ARHGAP6: variants seen among roughly 807,000 people sequenced by gnomAD.
The protein encoded by ARHGAP6 is rho GTPase-activating protein 6.
A neutral mutation model predicts 55.7 loss-of-function variants in ARHGAP6; 16 were observed. That is an observed-to-expected ratio of 0.29 (90% CI 0.19 to 0.44). The LOEUF (loss-of-function observed/expected upper bound fraction) is 0.44, where lower values mean the gene tolerates loss of function less well. ARHGAP6 is among the 20% of genes least tolerant of loss of function. The pLI, the probability that ARHGAP6 is intolerant of heterozygous loss-of-function variation, is 1.00. For missense variants in ARHGAP6, 698 were observed against 808.9 expected, an observed-to-expected ratio of 0.86 and a Z score of 1.66; for synonymous variants, 382 against 360.9, an observed-to-expected ratio of 1.06 and a Z score of -0.66.
intron 1 of ARHGAP6, among the ~76,000 whole-genome samples, chrX:11,432,365 T>C (rs1021784159): frequency 8.9e-6 from 1 of 112,307 alleles, no homozygotes; most frequent in Non-Finnish European, 1.9e-5. Flanking sequence ...TGGACATTTA[T>C]GTCCTTTTCA....
At chrX:11,240,205 G>A (rs1487129023) in intron 2 of ARHGAP6, among the ~76,000 whole-genome samples, 4 of 112,285 alleles carry the variant, frequency 3.6e-5, no homozygotes, top group African/African-American at 1.3e-4. Flanking sequence ...AAGTCAGGCT[G>A]GACAAAGGAT....
chrX:11,334,441 T>C (rs1299868176), intron 1 of ARHGAP6: 1 of 113,546 alleles, frequency 8.8e-6, no homozygotes, highest in Non-Finnish European at 1.9e-5. Context: ...CTTACTGCAG[T>C]TGGAGATCAG....
At chrX:11,578,924 G>A (rs1002353619) in intron 1 of ARHGAP6, among the ~76,000 whole-genome samples, 8 of 108,495 alleles carry the variant, frequency 7.4e-5, no homozygotes, top group South Asian at 4.1e-4. Flanking sequence ...GCAAACTGTC[G>A]CAAGGACAGT....
chrX:11,519,373 C>A (rs2147875545), intron 1 of ARHGAP6, among the ~76,000 whole-genome samples: 1 of 110,039 alleles, frequency 9.1e-6, no homozygotes, highest in Non-Finnish European at 1.9e-5. Flanking sequence ...ATTTGCATTT[C>A]TCTGATGGCC....
At chrX:11,581,852 T>C (rs2051670303) in intron 1 of ARHGAP6, among the ~76,000 whole-genome samples, 1 of 110,849 alleles carries the variant, frequency 9.0e-6, no homozygotes, top group African/African-American at 3.3e-5. Context: ...ATTGTGGTGA[T>C]GGGTGCACAT....
At chrX:11,450,520 G>T (rs1164370186) in intron 1 of ARHGAP6, among the ~76,000 whole-genome samples, 1 of 111,668 alleles carries the variant, frequency 9.0e-6, no homozygotes, top group Non-Finnish European at 1.9e-5. Context: ...TCACTGCAGG[G>T]CTCTGGTGAG....
chrX:11,651,992 A>G (rs1376987981), intron 1 of ARHGAP6, among the ~76,000 whole-genome samples: 2 of 111,958 alleles, frequency 1.8e-5, no homozygotes, highest in East Asian at 5.6e-4. Context: ...GTTGCTTCTT[A>G]TCTTGTAAAT....
At position 11,179,345 on chromosome X, in the gene ARHGAP6, G is replaced by C. The variant is rs1165282247; in HGVS notation, c.1437C>G (p.Pro479=). 1 of 1,207,503 alleles carries C rather than the reference G, an allele frequency of 8.3e-7. No individual in the cohort carries two copies. The highest frequency in any genetic ancestry group is 1.8e-5 in the African/African-American group (1 of 56,898). ...LKEFLRDMPD[P]LLTRELYTAF... is the part of the protein sequence containing the mutation. Reference sequence around the variant, plus strand: ...CTGTGTACAGCTCCCTGGTGAGAAGGGGGTCTGGCATGTCCCTCAGGAACT... The same window carrying C: ...CTGTGTACAGCTCCCTGGTGAGAAGCGGGTCTGGCATGTCCCTCAGGAACT... Residue 479 remains proline, a synonymous_variant, in exon 7 of 13, where the codon CCC becomes CCG. Transcript: ENST00000337414.
chrX:11,450,203 AGTGTGTGTGTGTGTGTGT>A (rs34050296), intron 1 of ARHGAP6, among the ~76,000 whole-genome samples: 8 of 90,166 alleles, frequency 8.9e-5, no homozygotes, highest in African/African-American at 2.0e-4. Context: ...ACAAATAATA[AGTGTGTGTGTGTGTGTGT>A]GTGTGTGTGT....
intron 1 of ARHGAP6, among the ~76,000 whole-genome samples, chrX:11,401,745 T>C (rs1014224933): frequency 5.4e-5 from 6 of 111,878 alleles, no homozygotes; most frequent in Non-Finnish European, 1.1e-4. Flanking sequence ...TGAACAAAAA[T>C]ATACCCTTCA....
intron 1 of ARHGAP6, among the ~76,000 whole-genome samples, chrX:11,492,184 TC>T (rs1374273593): frequency 9.2e-6 from 1 of 108,416 alleles, no homozygotes; most frequent in Non-Finnish European, 1.9e-5. Context: ...GATGGTAGTT[TC>T]TTTTGCTGTG....
Position 11,181,569 on chromosome X carries a change from A to C in ARHGAP6, c.1329+494T>G, listed in dbSNP as rs1449969949. On this transcript the variant is annotated intron_variant, in intron 6 of 12. Transcript: ENST00000337414. Reference sequence around the variant, plus strand: ...ATGTTGCACAGGGCTGAAGGAAACAAAGGAGCACAGTCTCTATGTGAAAAG... The same window carrying C: ...ATGTTGCACAGGGCTGAAGGAAACACAGGAGCACAGTCTCTATGTGAAAAG... Among the ~76,000 whole-genome samples the C allele has an allele frequency of 2.7e-5, 3 of 112,429 alleles. No homozygotes were observed. The East Asian group carries it at 8.3e-4, about 31-fold the overall frequency.
At chrX:11,614,105 C>G (rs947779731) in intron 1 of ARHGAP6, among the ~76,000 whole-genome samples, 4 of 110,685 alleles carry the variant, frequency 3.6e-5, no homozygotes, top group Non-Finnish European at 7.6e-5. Flanking sequence ...CCACGGCCCA[C>G]CTAGCCACTT....
chrX:11,219,331 A>T (rs1427972704), intron 2 of ARHGAP6, among the ~76,000 whole-genome samples: 371 of 72,234 alleles, frequency 5.1e-3, no homozygotes, highest in Non-Finnish European at 5.8e-3. Context: ...TATTGTGAAT[A>T]ATGCCACAAT....
chrX:11,298,978 G>A (rs1285822496), intron 1 of ARHGAP6: 1 of 1,205,845 alleles, frequency 8.3e-7, no homozygotes, highest in African/African-American at 1.8e-5. Context: ...GAAGTGGTGA[G>A]TATATTTTGA....
At chrX:11,166,141 G>A (rs752895768) in intron 9 of ARHGAP6, among the ~76,000 whole-genome samples, 37 of 111,404 alleles carry the variant, frequency 3.3e-4, no homozygotes, top group South Asian at 1.9e-3. Context: ...GTTCTTTTCC[G>A]CCCTTTCCCA....
intron 1 of ARHGAP6, among the ~76,000 whole-genome samples, chrX:11,419,390 A>G (rs778775852): frequency 8.9e-6 from 1 of 112,250 alleles, no homozygotes; most frequent in African/African-American, 3.2e-5. Flanking sequence ...GGATGCCTTA[A>G]CTTTTGAGAT....
chrX:11,505,479 A>T (rs1382203420), intron 1 of ARHGAP6, among the ~76,000 whole-genome samples: 1 of 111,505 alleles, frequency 9.0e-6, no homozygotes, highest in Non-Finnish European at 1.9e-5. Flanking sequence ...ACCATTGTGG[A>T]CAGCAGTGTG....
chrX:11,148,159 A>G (rs1481063074), intron 10 of ARHGAP6, among the ~76,000 whole-genome samples: 2 of 112,091 alleles, frequency 1.8e-5, no homozygotes, highest in Non-Finnish European at 3.8e-5. Flanking sequence ...TGAGATAAGC[A>G]ACCACAATGT....
Sources: allele counts gnomAD v4.1 joint callset (sites outside exome capture counted in the v4.1 genomes callset), GRCh38; gene constraint gnomAD v4.1.1; transcripts MANE v1.5; gene names NCBI Gene and HGNC (gene_info 2026-07-23, HGNC 2026-07-21).